The following SLC15A2 variants were observed in gnomAD, a reference collection of about 807,000 sequenced individuals.
The protein encoded by SLC15A2 is kidney H(+)/peptide cotransporter.
A neutral mutation model predicts 95.5 loss-of-function variants in SLC15A2; 77 were observed. The observed-to-expected ratio is 0.81, with a 90% CI of 0.67 to 0.97. The LOEUF (loss-of-function observed/expected upper bound fraction) is 0.97. SLC15A2 is among the 50% of genes least tolerant of loss of function. The pLI is 0.00. For missense variants in SLC15A2, 893 were observed against 874.4 expected (o/e 1.02, Z -0.27); for synonymous variants, 306 against 306.9 (o/e 1.00, Z 0.03).
intron 19 of SLC15A2, among the ~76,000 whole-genome samples, chr3:121,936,110 T>G (rs1285877046): frequency 6.6e-6 from 1 of 152,258 alleles, no homozygotes; most frequent in Admixed American, 6.5e-5. Context: ...TCTAGTTGGA[T>G]TGAACTGTGG....
chr3:121,923,333 A>AT, intron 11 of SLC15A2, 67 bp downstream of exon 11: 2 of 1,513,164 alleles, frequency 1.3e-6, no homozygotes, highest in Non-Finnish European at 1.8e-6. Context: ...GGAAAAATTA[A>AT]TTTCTTTGTG....
At chr3:121,933,317 G>A (rs1356321709) in intron 19 of SLC15A2, among the ~76,000 whole-genome samples, 1 of 151,330 alleles carries the variant, frequency 6.6e-6, no homozygotes, top group Non-Finnish European at 1.5e-5. Context: ...TCTAGTTCTA[G>A]ATCCCTGAGG....
At chr3:121,913,198 C>A in intron 5 of SLC15A2, 78 bp downstream of exon 5, 2 of 1,115,668 alleles carry the variant, frequency 1.8e-6, no homozygotes, top group South Asian at 1.3e-5. Context: ...AGCCATTTGC[C>A]AAGATTGAAG....
rs1190290475 is a variant in SLC15A2 at position 121,923,092 on chromosome 3, T to G, written c.920T>G (p.Ile307Ser). Residue 307 changes from isoleucine to serine, a missense_variant, in exon 10 of 22, where the codon ATC (isoleucine) becomes AGC (serine). Coordinates refer to ENST00000489711, the MANE Select transcript of SLC15A2 (RefSeq NM_021082.4). ...CTGACCAGGGTACTATTCCTTTATATCCCATTGCCCATGTTCTGGGCTCTT... is the reference window on the plus strand; with the variant it reads ...CTGACCAGGGTACTATTCCTTTATAGCCCATTGCCCATGTTCTGGGCTCTT... ...KALTRVLFLY[I>S]PLPMFWALLD... The G allele has an allele frequency of 5.6e-6, 9 of 1,613,958 alleles. No individual in the cohort carries two copies. Among genetic ancestry groups the G allele is most frequent in the Non-Finnish European group, 1.7e-6 (2 of 1,179,930 alleles).
chr3:121,904,983 C>CT (rs961521238), intron 3 of SLC15A2, among the ~76,000 whole-genome samples: 63 of 152,190 alleles, frequency 4.1e-4, no homozygotes, highest in African/African-American at 1.4e-3. Context: ...TGGTCCTGGC[C>CT]TTTTTTTGGT....
rs1005487645 is a variant in SLC15A2, at chr3:121,943,487, G to T, written c.*2480G>T. On this transcript the variant is annotated 3_prime_UTR_variant, in exon 22 of 22. Transcript: ENST00000489711. ...TCTGAAATACAGCAATTAATATTAA[G>T]ATATCTTAATATGAAGTGCCTGGAG... 3 of 152,054 alleles carry T rather than the reference G, an allele frequency of 2.0e-5. No homozygotes were observed. Among genetic ancestry groups the T allele is most frequent in the Non-Finnish European group, 4.4e-5 (3 of 68,018 alleles). The allele number at this position is 152,054 out of a possible 1,614,324, so 9.4% of individuals were successfully genotyped here. A position where few individuals can be genotyped will look rare whatever the true frequency, so the allele number is the denominator to read the frequency against.
At chr3:121,935,194 A>G (rs575030226) in intron 19 of SLC15A2, among the ~76,000 whole-genome samples, 1 of 152,312 alleles carries the variant, frequency 6.6e-6, no homozygotes, top group South Asian at 2.1e-4. Context: ...TTTTGCATCC[A>G]TGTTCATCGA....
chr3:121,910,158 C>G (rs1263223294), intron 3 of SLC15A2, among the ~76,000 whole-genome samples: 1 of 151,492 alleles, frequency 6.6e-6, no homozygotes, highest in Non-Finnish European at 1.5e-5. Context: ...TGTTCCCTCC[C>G]CTGATGTTAA....
chr3:121,914,880 A>T, intron 5 of SLC15A2: 1 of 437,586 alleles, frequency 2.3e-6, no homozygotes, highest in Non-Finnish European at 3.0e-6. Flanking sequence ...AAAAAACCAC[A>T]AACACACACA....
At chr3:121,896,323 G>C in intron 1 of SLC15A2, 83 bp from the exon 2 acceptor site, 1 of 1,072,578 alleles carries the variant, frequency 9.3e-7, no homozygotes, top group South Asian at 1.3e-5. Flanking sequence ...TGAAATAAAT[G>C]AATTTTTCAG....
At chr3:121,939,839 C>T (rs949782691) in intron 20 of SLC15A2, among the ~76,000 whole-genome samples, 3 of 151,938 alleles carry the variant, frequency 2.0e-5, no homozygotes, top group South Asian at 2.1e-4. Context: ...AGTGCAGTGG[C>T]GCGATCTCAG....
chr3:121,926,350 T>G (rs1019716070), intron 13 of SLC15A2, among the ~76,000 whole-genome samples: 1 of 152,154 alleles, frequency 6.6e-6, no homozygotes, highest in Non-Finnish European at 1.5e-5. Context: ...GTCCTTATGA[T>G]AGTGAGTTCT....
chr3:121,896,781 T>C (rs1345960494), intron 2 of SLC15A2, among the ~76,000 whole-genome samples: 3 of 151,472 alleles, frequency 2.0e-5, no homozygotes, highest in African/African-American at 4.9e-5. Flanking sequence ...CGCCACTACT[T>C]GGGAGGCTGA....
intron 5 of SLC15A2, among the ~76,000 whole-genome samples, chr3:121,913,775 G>C (rs943485199): frequency 6.6e-6 from 1 of 152,160 alleles, no homozygotes; most frequent in Non-Finnish European, 1.5e-5. Context: ...GTGACAAATA[G>C]GCAAGGAAAT....
At chr3:121,915,719 T>C (rs780125960) in intron 7 of SLC15A2, 26 bp downstream of exon 7, 1 of 1,522,206 alleles carries the variant, frequency 6.6e-7, no homozygotes, top group Non-Finnish European at 9.1e-7. Context: ...CAAAGGAAAC[T>C]AATAATCATT....
At chr3:121,899,145 G>A (rs751886581) in intron 3 of SLC15A2, among the ~76,000 whole-genome samples, 8 of 152,138 alleles carry the variant, frequency 5.3e-5, no homozygotes, top group Non-Finnish European at 1.2e-4. Flanking sequence ...GATTGAAGAA[G>A]TACAGTTACA....
chr3:121,905,117 A>G (rs1374908501), intron 3 of SLC15A2, among the ~76,000 whole-genome samples: 1 of 151,874 alleles, frequency 6.6e-6, no homozygotes, highest in Non-Finnish European at 1.5e-5. Flanking sequence ...TTTCTTCTAG[A>G]TTTTCTAGTT....
chr3:121,915,496 A>G (rs1171837035), intron 6 of SLC15A2, 120 bp from the exon 7 acceptor site: 1 of 828,338 alleles, frequency 1.2e-6, no homozygotes, highest in Non-Finnish European at 2.0e-6. Context: ...ATGGGAGGAA[A>G]GAGGGTGGTT....
intron 3 of SLC15A2, among the ~76,000 whole-genome samples, chr3:121,910,192 CTTTTTTTTT>C (rs35492489): frequency 7.9e-6 from 1 of 126,986 alleles, no homozygotes. Flanking sequence ...AGTCACCTAA[CTTTTTTTTT>C]TTTTTTTTTT....
Sources: allele counts gnomAD v4.1 joint callset (sites outside exome capture counted in the v4.1 genomes callset), GRCh38; gene constraint gnomAD v4.1.1; transcripts MANE v1.5; gene names NCBI Gene and HGNC (gene_info 2026-07-23, HGNC 2026-07-21).